SLC49A3: variants seen among roughly 807,000 people sequenced by gnomAD.
SLC49A3 encodes the protein solute carrier family 49 member 3.
A neutral mutation model predicts 43.8 loss-of-function variants in SLC49A3; 50 were observed. The ratio of observed to expected loss-of-function variants is 1.14; its 90% confidence interval spans 0.91 to 1.45. SLC49A3 has a LOEUF of 1.45. SLC49A3 is among the 40% of genes most tolerant of loss of function. SLC49A3 has a pLI of 0.00. For synonymous variants in SLC49A3, 413 were observed against 352.0 expected (o/e 1.17, Z -1.94); for missense variants, 906 against 774.1 (o/e 1.17, Z -2.02).
downstream of SLC49A3, chr4:680,611 G>A (rs377113361): frequency 7.1e-5 from 114 of 1,608,086 alleles, no homozygotes; most frequent in African/African-American, 9.1e-4. Context: ...CGGCCAGGGC[G>A]GCCCGGCTTC....
At chr4:683,004 G>T in intron 8 of SLC49A3, 114 bp from the exon 9 acceptor site, 1 of 1,124,528 alleles carries the variant, frequency 8.9e-7, no homozygotes, top group Non-Finnish European at 1.3e-6. Context: ...CCTCCTGAAG[G>T]CAGCACGCAG....
At position 682,093 on chromosome 4, in the gene SLC49A3, A is replaced by T; in HGVS notation, c.1545T>A (p.Thr515=). Residue 515 remains threonine (T), a synonymous_variant, in exon 10 of 10, where the codon ACT becomes ACA. Transcript: ENST00000322224. ...TGGCTGCTGGGCCTTGCGCACGGGG[A>T]GTCGCTCGGTGGCAGGCTGGGTGGG... The part of the protein sequence containing the change: ...GSPHPACHRA[T]PRAQGPAATD... The T allele has an allele frequency of 7.2e-7, 1 of 1,387,802 alleles. No individual in the cohort carries two copies. Among genetic ancestry groups the T allele is most frequent in the Non-Finnish European group, 9.4e-7 (1 of 1,059,784 alleles). 86.0% of individuals were successfully genotyped at this position (1,387,802 alleles called of 1,614,324 possible). A position where few individuals can be genotyped will look rare whatever the true frequency, so the allele number is the denominator to read the frequency against.
chr4:681,054 C>G (rs779649921), downstream of SLC49A3: 2 of 1,568,550 alleles, frequency 1.3e-6, no homozygotes, highest in African/African-American at 1.3e-5. Context: ...TCCTGCACCC[C>G]CGCATCAGCC....
downstream of SLC49A3, chr4:679,260 G>A: frequency 4.6e-6 from 3 of 649,758 alleles, no homozygotes; most frequent in Admixed American, 2.6e-5. Context: ...GCCCAAGCCT[G>A]GAAACTCAGA....
intron 5 of SLC49A3, 24 bp from the exon 6 acceptor site, chr4:684,623 C>T: frequency 6.2e-7 from 1 of 1,612,108 alleles, no homozygotes; most frequent in South Asian, 1.1e-5. Flanking sequence ...GCGTCTCAGC[C>T]CCGGAGCCCG....
chr4:682,993 C>T lies in SLC49A3; in HGVS notation c.1152-103G>A, dbSNP rs528613515. The T allele has an allele frequency of 1.0e-5, 12 of 1,191,458 alleles. No individual in the cohort carries two copies. The East Asian group carries it at 2.6e-4, about 25-fold the overall frequency. The allele number at this position is 1,191,458 out of a possible 1,614,324, so 73.8% of individuals were successfully genotyped here. A position where few individuals can be genotyped will look rare whatever the true frequency, so the allele number is the denominator to read the frequency against. The stretch of plus-strand genomic sequence containing the variant: ...ATCGGTGCTGTCCCTTGTGCCACCA[C>T]CCTCCTGAAGGCAGCACGCAGCCTC... On this transcript the variant is annotated intron_variant, in intron 8 of 9. Coordinates refer to ENST00000322224, the MANE Select transcript of SLC49A3 (RefSeq NM_032219.4).
chr4:682,091 G>T lies in SLC49A3; in HGVS notation c.1547C>A (p.Pro516His). The T allele has an allele frequency of 7.2e-7, 1 of 1,389,790 alleles. No homozygotes were observed. The allele number at this position is 1,389,790 out of a possible 1,614,324, so 86.1% of individuals were successfully genotyped here. ...GGTGGCTGCTGGGCCTTGCGCACGG[G>T]GAGTCGCTCGGTGGCAGGCTGGGTG... ...SPHPACHRAT[P>H]RAQGPAATDA... Residue 516 changes from proline to histidine, a missense_variant, in exon 10 of 10, where the codon CCC becomes CAC. Transcript: ENST00000322224.
At chr4:688,546 G>C (rs1036003532) in intron 1 of SLC49A3, among the ~76,000 whole-genome samples, 1 of 152,230 alleles carries the variant, frequency 6.6e-6, no homozygotes, top group South Asian at 2.1e-4. Flanking sequence ...TGAAGGGGGT[G>C]GGGGCAGGAC....
At chr4:679,141 T>C (rs1459392830), downstream of SLC49A3, 1 of 810,144 alleles carries the variant, frequency 1.2e-6, no homozygotes, top group Non-Finnish European at 1.7e-6. Flanking sequence ...GGCCCGCGCC[T>C]CAGAGGCCCA....
intron 6 of SLC49A3, 109 bp downstream of exon 6, chr4:684,374 G>T: frequency 6.8e-7 from 1 of 1,461,984 alleles, no homozygotes; most frequent in Non-Finnish European, 9.3e-7. Flanking sequence ...GGGTGTCAAT[G>T]TGGCCCCCGC....
In SLC49A3 at chr4:686,537, C is replaced by T; in HGVS notation, c.289G>A (p.Ala97Thr). Residue 97 changes from alanine to threonine, a missense_variant, in exon 2 of 10, where the codon GCG becomes ACG. Transcript: ENST00000322224. Reference sequence around the variant, plus strand: ...TGGTGTGGGGTCTGACTCACCGCCGCACGGAGCCCGACGGAGTCCAGGATC... The same window carrying T: ...TGGTGTGGGGTCTGACTCACCGCCGTACGGAGCCCGACGGAGTCCAGGATC... ...IWILDSVGLR[A>T]ATILGAWLNF... The T allele has an allele frequency of 6.2e-7, 1 of 1,612,306 alleles. No homozygotes were observed. Among genetic ancestry groups the T allele is most frequent in the Non-Finnish European group, 8.5e-7 (1 of 1,179,668 alleles).
downstream of SLC49A3, chr4:679,978 C>T: frequency 6.2e-7 from 1 of 1,613,602 alleles, no homozygotes. Flanking sequence ...GGCCCATCAA[C>T]TTCACCATGT....
chr4:678,849 G>A (rs1739128983), downstream of SLC49A3: 1 of 1,607,694 alleles, frequency 6.2e-7, no homozygotes, highest in Non-Finnish European at 8.5e-7. Flanking sequence ...TCCAGGGCCA[G>A]CAGGAGTGGA....
At chr4:681,344 C>T (rs1485522111), downstream of SLC49A3, among the ~76,000 whole-genome samples, 1 of 152,050 alleles carries the variant, frequency 6.6e-6, no homozygotes, top group Non-Finnish European at 1.5e-5. Context: ...AGACCCCTCC[C>T]CTCCGTTAGA....
At chr4:681,130 C>T (rs368752319), downstream of SLC49A3, 3 of 1,606,742 alleles carry the variant, frequency 1.9e-6, no homozygotes, top group Non-Finnish European at 2.5e-6. Flanking sequence ...GACAAGATGA[C>T]GGCGGAAGAG....
At chr4:682,686 G>T in intron 9 of SLC49A3, 95 bp downstream of exon 9, 1 of 1,021,160 alleles carries the variant, frequency 9.8e-7, no homozygotes, top group Non-Finnish European at 1.4e-6. Flanking sequence ...GCTGTTTAGG[G>T]CTCCCCACGT....
In SLC49A3 at chr4:681,856, C is replaced by T. The variant is rs762242270; in HGVS notation, c.*102G>A. 3.4e-5 allele frequency: 44 copies of T among 1,305,478 alleles called. No individual in the cohort carries two copies. Among genetic ancestry groups the T allele is most frequent in the Middle Eastern group, 5.0e-4 (2 of 3,978 alleles). 80.9% of individuals were successfully genotyped at this position (1,305,478 alleles called of 1,614,324 possible). ...CAGGTGCGCGCTTGTAATTCGCTCC[C>T]GGAGCCCGCAAGGAGCCCTTTCGCC... On this transcript the variant is annotated 3_prime_UTR_variant, in exon 10 of 10. Coordinates refer to ENST00000322224, the MANE Select transcript of SLC49A3 (RefSeq NM_032219.4).
upstream of SLC49A3, among the ~76,000 whole-genome samples, chr4:690,211 T>C (rs1369594600): frequency 6.6e-6 from 1 of 151,080 alleles, no homozygotes; most frequent in Non-Finnish European, 1.5e-5. Flanking sequence ...CTCTCCACTT[T>C]GGGATTTTTT....
downstream of SLC49A3, chr4:680,064 C>T (rs1739294207): frequency 1.4e-6 from 2 of 1,444,064 alleles, no homozygotes; most frequent in South Asian, 1.2e-5. Context: ...TAATTCCTAA[C>T]AGTTAGAGAT....
Sources: gnomAD v4.1 joint callset for allele counts (sites outside exome capture counted in the v4.1 genomes callset) on GRCh38, gnomAD v4.1.1 for gene constraint, MANE v1.5 for transcripts, NCBI Gene and HGNC (gene_info 2026-07-23, HGNC 2026-07-21) for gene names.